TKTL1: variants seen among roughly 807,000 people sequenced by gnomAD.
The protein encoded by TKTL1 is transketolase like 1.
Under a neutral mutation model 39.3 loss-of-function variants are expected in TKTL1, and 1 was observed. The ratio of observed to expected loss-of-function variants is 0.03; its 90% CI spans 0.01 to 0.12. The LOEUF (loss-of-function observed/expected upper bound fraction) is 0.12, where lower values mean the gene tolerates loss of function less well. TKTL1 is among the 10% of genes least tolerant of loss of function. The pLI is 1.00. For synonymous variants in TKTL1, 262 were observed against 193.8 expected, an observed-to-expected ratio of 1.35 and a Z score of -2.92; for missense variants, 575 against 509.6, an observed-to-expected ratio of 1.13 and a Z score of -1.24.
chrX:154,321,576 A>G lies in TKTL1; in HGVS notation c.1186+663A>G, dbSNP rs184828047. 1.7e-4 allele frequency among the ~76,000 whole-genome samples: 18 copies of G among 108,485 alleles called. No individual in the cohort carries two copies. The East Asian group carries it at 4.3e-3, about 26-fold the overall frequency. The allele number at this position is 108,485 out of a possible 115,157, so 94.2% of individuals were successfully genotyped here. A position where few individuals can be genotyped will look rare whatever the true frequency, so the allele number is the denominator to read the frequency against. On this transcript the variant is annotated intron_variant, in intron 8 of 12. Coordinates refer to ENST00000369915, the MANE Select transcript of TKTL1 (RefSeq NM_012253.4). Reference sequence around the variant, plus strand: ...TGCCTAACAGATGGAGCACTCTGCAATGGCGTGAAGAGCAAAACACACGAG... The same window carrying G: ...TGCCTAACAGATGGAGCACTCTGCAGTGGCGTGAAGAGCAAAACACACGAG...
intron 5 of TKTL1, 77 bp from the exon 6 acceptor site, chrX:154,312,503 G>T: frequency 9.9e-7 from 1 of 1,009,998 alleles, no homozygotes; most frequent in Non-Finnish European, 1.3e-6. Context: ...TTTTCATCGG[G>T]GTCTGTTTTT....
intron 3 of TKTL1, among the ~76,000 whole-genome samples, 190 bp downstream of exon 3, chrX:154,309,632 C>G (rs1450454822): frequency 9.0e-6 from 1 of 111,307 alleles, no homozygotes; most frequent in Admixed American, 9.5e-5. Flanking sequence ...GCCCCACTTT[C>G]TCTCCCACAG....
chrX:154,297,299 A>G (rs1277296633), intron 1 of TKTL1, among the ~76,000 whole-genome samples: 2 of 108,989 alleles, frequency 1.8e-5, no homozygotes, highest in East Asian at 2.9e-4. Flanking sequence ...ACTGTCGCCC[A>G]GGCTGGAGTG....
At position 154,323,334 on chromosome X, in the gene TKTL1, C is replaced by A; in HGVS notation, c.1314C>A (p.Ala438=). The change falls in exon 9 of 13, where the codon GCC becomes GCA. Residue 438 remains alanine (A), a synonymous_variant. Coordinates refer to ENST00000369915, the MANE Select transcript of TKTL1 (RefSeq NM_012253.4). ...TEHAVALAAN[A]KGMCFIRTTR... ...ATGCTGTTGCTCTGGCAGCCAATGCCAAGGTATTTTTAAGGGGACACTAGT... is the reference window on the plus strand; with the variant it reads ...ATGCTGTTGCTCTGGCAGCCAATGCAAAGGTATTTTTAAGGGGACACTAGT... The A allele has an allele frequency of 8.3e-7, 1 of 1,210,974 alleles. No homozygotes were observed. The highest frequency in any genetic ancestry group is 1.1e-6 in the Non-Finnish European group (1 of 895,139).
At chrX:154,299,622 C>T (rs1447602207) in intron 1 of TKTL1, among the ~76,000 whole-genome samples, 1 of 111,201 alleles carries the variant, frequency 9.0e-6, no homozygotes, top group Non-Finnish European at 1.9e-5. Context: ...TTCCTACCTT[C>T]CCCCTTCATT....
At chrX:154,309,003 T>C (rs1250621938) in intron 2 of TKTL1, among the ~76,000 whole-genome samples, 1 of 110,887 alleles carries the variant, frequency 9.0e-6, no homozygotes, top group East Asian at 2.8e-4. Flanking sequence ...GTACTTGGGC[T>C]CCCCGTCTCT....
chrX:154,313,428 A>G (rs1232460324), intron 6 of TKTL1, among the ~76,000 whole-genome samples: 1 of 112,012 alleles, frequency 8.9e-6, no homozygotes, highest in African/African-American at 3.2e-5. Context: ...CTGGTATATC[A>G]TAGCAGACCT....
At chrX:154,317,598 G>C (rs1557169614) in intron 7 of TKTL1, among the ~76,000 whole-genome samples, 1 of 112,724 alleles carries the variant, frequency 8.9e-6, no homozygotes, top group African/African-American at 3.2e-5. Flanking sequence ...CTTTAAGCAG[G>C]AAAGCAACAG....
chrX:154,323,542 A>T (rs1489986065), intron 9 of TKTL1, among the ~76,000 whole-genome samples: 2 of 112,522 alleles, frequency 1.8e-5, no homozygotes, highest in African/African-American at 6.5e-5. Flanking sequence ...CAGGATACTG[A>T]ACAAAACCTG....
In TKTL1 at chrX:154,320,821, C is replaced by T. The variant is rs1462748044; in HGVS notation, c.1094C>T (p.Ala365Val). The change falls in exon 8 of 13, where the codon GCC (alanine) becomes GTC (valine). Residue 365 changes from alanine to valine, a missense_variant. Coordinates refer to ENST00000369915, the MANE Select transcript of TKTL1 (RefSeq NM_012253.4). ...RTIAFASTFA[A>V]FLTRAFDHIR... ...ATTGCTTTTGCTAGCACCTTTGCTG[C>T]CTTTCTGACTCGAGCATTTGATCAC... is the stretch of plus-strand genomic sequence containing the variant. The T allele has an allele frequency of 2.5e-6, 3 of 1,209,270 alleles. No homozygotes were observed. Among genetic ancestry groups the T allele is most frequent in the Middle Eastern group, 2.3e-4 (1 of 4,376 alleles).
rs1557172858 is a variant in TKTL1, at chrX:154,329,755, T to C, written c.*67T>C. On this transcript the variant is annotated 3_prime_UTR_variant, in exon 13 of 13. Transcript: ENST00000369915. ...TTTATGTTTGTTCCAAAACCATCAT[T>C]TAAATCTCTACTGTCACATTTTGTT... 2 of 1,115,644 alleles carry C rather than the reference T, an allele frequency of 1.8e-6. No individual in the cohort carries two copies. The highest frequency in any genetic ancestry group is 6.1e-5 in the East Asian group (2 of 32,979). The allele number at this position is 1,115,644 out of a possible 1,213,427, so 91.9% of individuals were successfully genotyped here.
chrX:154,315,283 C>T lies in TKTL1; in HGVS notation c.975C>T (p.Phe325=), dbSNP rs2067390116. The T allele has an allele frequency of 1.7e-6, 2 of 1,209,141 alleles. No individual in the cohort carries two copies. The highest frequency in any genetic ancestry group is 3.5e-5 in the African/African-American group (2 of 56,992). ...GGTACTCTACTTTCTCTGAGATATTCAACAAGGAGTACCCTGAGCGCTTCA... is the reference window on the plus strand; with the variant it reads ...GGTACTCTACTTTCTCTGAGATATTTAACAAGGAGTACCCTGAGCGCTTCA... ...DTRYSTFSEI[F]NKEYPERFIE... Residue 325 remains phenylalanine, a synonymous_variant, in exon 7 of 13, where the codon TTC becomes TTT. Transcript: ENST00000369915.
intron 1 of TKTL1, among the ~76,000 whole-genome samples, chrX:154,303,449 T>A (rs2067291032): frequency 1.1e-5 from 1 of 88,378 alleles, no homozygotes; most frequent in South Asian, 7.1e-4. Flanking sequence ...CATGCTGGTC[T>A]CAAACTCCTG....
intron 12 of TKTL1, 101 bp downstream of exon 12, chrX:154,328,059 C>A: frequency 9.7e-7 from 1 of 1,030,112 alleles, no homozygotes; most frequent in Non-Finnish European, 1.3e-6. Flanking sequence ...GTCTACCTCT[C>A]ACCCAGCATG....
At chrX:154,316,342 T>C (rs1307220273) in intron 7 of TKTL1, among the ~76,000 whole-genome samples, 6 of 111,305 alleles carry the variant, frequency 5.4e-5, no homozygotes, top group Non-Finnish European at 1.1e-4. Context: ...AGTGCTGGGA[T>C]TACAGACATG....
In TKTL1 at chrX:154,321,569, C is replaced by T. The variant is rs192689053; in HGVS notation, c.1186+656C>T. On this transcript the variant is annotated intron_variant, in intron 8 of 12. Transcript: ENST00000369915. ...GTGAGTGTGCCTAACAGATGGAGCACTCTGCAATGGCGTGAAGAGCAAAAC... is the reference window on the plus strand; with the variant it reads ...GTGAGTGTGCCTAACAGATGGAGCATTCTGCAATGGCGTGAAGAGCAAAAC... 3.0e-3 allele frequency among the ~76,000 whole-genome samples: 327 copies of T among 108,322 alleles called. 1 individual carries two copies. Among genetic ancestry groups the T allele is most frequent in the African/African-American group, 0.011 (312 of 29,597 alleles). The allele number at this position is 108,322 out of a possible 115,157, so 94.1% of individuals were successfully genotyped here.
chrX:154,320,300 A>G, intron 7 of TKTL1: 1 of 127,844 alleles, frequency 7.8e-6, no homozygotes, highest in Non-Finnish European at 1.6e-5. Flanking sequence ...GCGAAGGAGA[A>G]CACAGATGTA....
intron 1 of TKTL1, among the ~76,000 whole-genome samples, chrX:154,299,754 CAAGTTGCTGCA>C (rs1402978185): frequency 1.8e-5 from 2 of 111,606 alleles, no homozygotes; most frequent in Non-Finnish European, 3.8e-5. Flanking sequence ...CAGCTCCACC[CAAGTTGCTGCA>C]AAATACATTG....
chrX:154,321,075 C>T (rs1557170643), intron 8 of TKTL1, among the ~76,000 whole-genome samples, 162 bp downstream of exon 8: 1 of 107,959 alleles, frequency 9.3e-6, no homozygotes, highest in East Asian at 2.9e-4. Flanking sequence ...GTGTCAGACT[C>T]TCAGGGCAAC....
Sources: gnomAD v4.1 joint callset for allele counts (sites outside exome capture counted in the v4.1 genomes callset) on GRCh38, gnomAD v4.1.1 for gene constraint, MANE v1.5 for transcripts, NCBI Gene and HGNC (gene_info 2026-07-23, HGNC 2026-07-21) for gene names.